Variants in DUSP22 observed in about 807,000 individuals in gnomAD.
DUSP22 encodes the protein dual specificity protein phosphatase 22.
In DUSP22, 24 loss-of-function variants were observed where a neutral mutation model predicts 24.5. That is an observed-to-expected ratio of 0.98 (90% CI 0.71 to 1.38). The LOEUF is 1.38. DUSP22 is among the 40% of genes most tolerant of loss of function. DUSP22 has a pLI of 0.00. For missense variants in DUSP22, 330 were observed against 269.2 expected, an observed-to-expected ratio of 1.23 and a Z score of -1.58; for synonymous variants, 160 against 106.4, an observed-to-expected ratio of 1.50 and a Z score of -3.10.
chr6:311,877 C>T lies in DUSP22; in HGVS notation c.56-3C>T, dbSNP rs746731724. The T allele has an allele frequency of 6.2e-6, 10 of 1,610,432 alleles. No individual in the cohort carries two copies. In the African/African-American group the frequency reaches 9.4e-5, roughly 15 times the overall value. On this transcript the variant is annotated splice_polypyrimidine_tract_variant and splice_region_variant and intron_variant, in intron 2 of 6. Coordinates refer to ENST00000419235, the MANE Select transcript of DUSP22 (RefSeq NM_001286555.3). ...AATGTCCATCCCCTTTCTTCTCTGACAGATGCCAGAGACGCGGAACAATTG... is the reference window on the plus strand; with the variant it reads ...AATGTCCATCCCCTTTCTTCTCTGATAGATGCCAGAGACGCGGAACAATTG...
intron 3 of DUSP22, among the ~76,000 whole-genome samples, chr6:326,387 C>T (rs1219864651): frequency 6.9e-6 from 1 of 144,244 alleles, no homozygotes; most frequent in Non-Finnish European, 1.5e-5. Context: ...GAGTCATCTG[C>T]CCTGGGCTTC....
intron 4 of DUSP22, chr6:337,019 A>G (rs1473461141): frequency 1.3e-5 from 2 of 152,456 alleles, no homozygotes; most frequent in African/African-American, 4.8e-5. Context: ...TTTAGAAGAA[A>G]AACTCAGATG....
chr6:340,730 C>T (rs1427977828), intron 4 of DUSP22, among the ~76,000 whole-genome samples: 1 of 152,306 alleles, frequency 6.6e-6, no homozygotes, highest in Non-Finnish European at 1.5e-5. Context: ...GTACCATGGG[C>T]TTTTAGGGTA....
intron 4 of DUSP22, among the ~76,000 whole-genome samples, chr6:337,518 C>T (rs547946563): frequency 1.8e-3 from 267 of 152,290 alleles, no homozygotes; most frequent in African/African-American, 6.2e-3. Flanking sequence ...CAGAGATATG[C>T]CAGCTTCTTC....
At chr6:326,985 C>T (rs1471684660) in intron 3 of DUSP22, among the ~76,000 whole-genome samples, 1 of 152,310 alleles carries the variant, frequency 6.6e-6, no homozygotes, top group Non-Finnish European at 1.5e-5. Context: ...TGTCAAGGCC[C>T]AGGGAATATT....
At position 351,036 on chromosome 6, in the gene DUSP22, T is replaced by G; in HGVS notation, c.*2085T>G. On this transcript the variant is annotated 3_prime_UTR_variant, in exon 7 of 7. Transcript: ENST00000419235. ...TTTATGTTGAGAACTAAGGATATTC[T>G]TTAGCAAGAGAAAATATTTTCCCCT... 9.6e-7 allele frequency: 1 copy of G among 1,043,226 alleles called. No homozygotes were observed. The allele number at this position is 1,043,226 out of a possible 1,614,324, so 64.6% of individuals were successfully genotyped here.
At chr6:304,714 G>A in intron 2 of DUSP22, 53 bp downstream of exon 2, 1 of 1,608,492 alleles carries the variant, frequency 6.2e-7, no homozygotes, top group Non-Finnish European at 8.5e-7. Context: ...CATAAAATGT[G>A]TCATCTTGAC....
intron 3 of DUSP22, among the ~76,000 whole-genome samples, chr6:322,733 G>A (rs1185955754): frequency 6.6e-6 from 1 of 152,132 alleles, no homozygotes. Context: ...CACCGTGTGT[G>A]GCTGGCTGAC....
chr6:300,873 C>T (rs2127390701), intron 1 of DUSP22, among the ~76,000 whole-genome samples: 1 of 152,424 alleles, frequency 6.6e-6, no homozygotes, highest in East Asian at 1.9e-4. Context: ...GAGAGCCAGA[C>T]TCAGGGGCAA....
In DUSP22 at chr6:345,922, T is replaced by C. The variant is rs1486840147; in HGVS notation, c.257T>C (p.Val86Ala). 1 of 1,614,254 alleles carries C rather than the reference T, an allele frequency of 6.2e-7. No homozygotes were observed. Among genetic ancestry groups the C allele is most frequent in the South Asian group, 1.1e-5 (1 of 91,086 alleles). Residue 86 changes from valine (V) to alanine (A), a missense_variant, in exon 5 of 7, where the codon GTA becomes GCA. Physicochemically the swap from Val to Ala is moderately conservative, Grantham distance 64. Coordinates refer to ENST00000419235, the MANE Select transcript of DUSP22 (RefSeq NM_001286555.3). ...CGGCTCCGCGGTGAGAGCTGCCTTG[T>C]ACACTGGTACGTGTGTCTCTTGCTT... is the stretch of plus-strand genomic sequence containing the variant. ...ECRLRGESCL[V>A]HCLAGVSRSV...
At chr6:333,837 C>T (rs1435231808) in intron 3 of DUSP22, among the ~76,000 whole-genome samples, 1 of 152,304 alleles carries the variant, frequency 6.6e-6, no homozygotes, top group Non-Finnish European at 1.5e-5. Context: ...GATCCGACTC[C>T]TGAGGGCCAG....
At chr6:298,059 C>T (rs1225203646) in intron 1 of DUSP22, among the ~76,000 whole-genome samples, 1 of 152,308 alleles carries the variant, frequency 6.6e-6, no homozygotes, top group Non-Finnish European at 1.5e-5. Flanking sequence ...TGCTGCAGGA[C>T]TGACAGACAG....
At chr6:340,508 T>C (rs571241555) in intron 4 of DUSP22, among the ~76,000 whole-genome samples, 27 of 152,422 alleles carry the variant, frequency 1.8e-4, no homozygotes, top group Admixed American at 1.7e-3. Context: ...ACTCATTTGC[T>C]ATTAGAAAAC....
At chr6:314,119 G>T (rs528704706) in intron 3 of DUSP22, among the ~76,000 whole-genome samples, 1 of 152,302 alleles carries the variant, frequency 6.6e-6, no homozygotes, top group East Asian at 1.9e-4. Context: ...GAGAAATGGG[G>T]CAGGGAATGA....
At chr6:347,362 C>T (rs1759932937) in intron 5 of DUSP22, among the ~76,000 whole-genome samples, 1 of 152,308 alleles carries the variant, frequency 6.6e-6, no homozygotes, top group South Asian at 2.1e-4. Context: ...ATAGGCTTTT[C>T]TAAAAGTGAG....
intron 2 of DUSP22, among the ~76,000 whole-genome samples, chr6:305,025 G>T (rs1173338633): frequency 6.6e-6 from 1 of 152,304 alleles, no homozygotes; most frequent in African/African-American, 2.4e-5. Flanking sequence ...TGTCAGAATG[G>T]CCTTCCTTCT....
intron 6 of DUSP22, 126 bp downstream of exon 6, chr6:348,400 C>A: frequency 6.9e-7 from 1 of 1,455,462 alleles, no homozygotes; most frequent in Non-Finnish European, 9.3e-7. Context: ...CATCGGCTCC[C>A]AGGGCGCCCA....
At chr6:317,100 GT>G (rs1758369015) in intron 3 of DUSP22, among the ~76,000 whole-genome samples, 1 of 152,304 alleles carries the variant, frequency 6.6e-6, no homozygotes, top group Non-Finnish European at 1.5e-5. Context: ...CTTTACTTGT[GT>G]TAGTTTTGTT....
At chr6:298,582 G>A (rs1757442201) in intron 1 of DUSP22, among the ~76,000 whole-genome samples, 2 of 152,308 alleles carry the variant, frequency 1.3e-5, no homozygotes, top group Non-Finnish European at 2.9e-5. Context: ...CTGAGGATTT[G>A]TGTTTTTGCA....
Sources: allele counts gnomAD v4.1 joint callset (sites outside exome capture counted in the v4.1 genomes callset), GRCh38; gene constraint gnomAD v4.1.1; transcripts MANE v1.5; gene names NCBI Gene and HGNC (gene_info 2026-07-23, HGNC 2026-07-21).